The following TBC1D5 variants were observed in gnomAD, a reference collection of about 807,000 sequenced individuals.
TBC1D5 encodes the protein TBC1 domain family, member 5.
A neutral mutation model predicts 100.3 loss-of-function variants in TBC1D5; 75 were observed. That is an observed-to-expected ratio of 0.75 (90% confidence interval 0.62 to 0.91). The LOEUF (loss-of-function observed/expected upper bound fraction) is 0.91, where lower values mean the gene tolerates loss of function less well. Among genes scored for constraint, TBC1D5 ranks in the 40% least tolerant of loss-of-function variants. The pLI, the probability that TBC1D5 is intolerant of heterozygous loss-of-function variation, is 0.00. For synonymous variants in TBC1D5, 323 were observed against 325.6 expected, an observed-to-expected ratio of 0.99 and a Z score of 0.09; for missense variants, 910 against 942.4, an observed-to-expected ratio of 0.97 and a Z score of 0.45.
intron 1 of TBC1D5, among the ~76,000 whole-genome samples, chr3:17,674,857 CATTT>C (rs2068421335): frequency 6.6e-6 from 1 of 151,878 alleles, no homozygotes; most frequent in Non-Finnish European, 1.5e-5. Flanking sequence ...AAAATGAGTT[CATTT>C]GAGTGAAAAA....
chr3:17,398,711 T>C (rs1051864470), intron 8 of TBC1D5, among the ~76,000 whole-genome samples: 1 of 151,256 alleles, frequency 6.6e-6, no homozygotes, highest in African/African-American at 2.4e-5. Context: ...TACATACTGC[T>C]TCTCTTAATG....
At chr3:17,157,534 C>T (rs1299378648) in exon 22 of TBC1D5, 2 of 152,218 alleles carry the variant, frequency 1.3e-5, no homozygotes, top group Non-Finnish European at 2.9e-5. Context: ...GCTCCACAGC[C>T]TCCCCAGTGC....
At chr3:17,318,896 A>G (rs1469103161) in intron 13 of TBC1D5, among the ~76,000 whole-genome samples, 1 of 152,200 alleles carries the variant, frequency 6.6e-6, no homozygotes, top group Non-Finnish European at 1.5e-5. Flanking sequence ...CTGCTAGTTC[A>G]TGAGTACCCC....
chr3:17,281,660 T>C (rs924960892), intron 15 of TBC1D5, among the ~76,000 whole-genome samples: 4 of 152,236 alleles, frequency 2.6e-5, no homozygotes, highest in African/African-American at 9.6e-5. Context: ...ATAAAATGTT[T>C]TGCTTTTTTG....
At chr3:17,633,832 C>A (rs1466546862) in intron 1 of TBC1D5, among the ~76,000 whole-genome samples, 2 of 152,092 alleles carry the variant, frequency 1.3e-5, no homozygotes, top group East Asian at 1.9e-4. Context: ...TATGGCCCAA[C>A]CCTTCTAGGA....
intron 13 of TBC1D5, among the ~76,000 whole-genome samples, chr3:17,336,126 A>C (rs1457093601): frequency 3.3e-5 from 5 of 152,128 alleles, no homozygotes; most frequent in South Asian, 2.1e-4. Flanking sequence ...AAATTTTATT[A>C]ATTTTAGATT....
intron 1 of TBC1D5, among the ~76,000 whole-genome samples, chr3:17,663,875 T>C (rs569140874): frequency 1.8e-4 from 28 of 152,308 alleles, no homozygotes; most frequent in African/African-American, 5.3e-4. Context: ...AGAGATGATA[T>C]AGGCTTATAT....
At position 17,436,294 on chromosome 3, in the gene TBC1D5, AT is replaced by A. The variant is rs550940388; in HGVS notation, c.98-7776del. ...TGCAAAACGTGGTAAGAAAGATTAAATGAGATAAATGTATGTAAAGTGCTTA... is the reference window on the plus strand; with the variant it reads ...TGCAAAACGTGGTAAGAAAGATTAAAGAGATAAATGTATGTAAAGTGCTTA... On this transcript the variant is annotated intron_variant, in intron 3 of 21. Transcript: ENST00000253692. Among the ~76,000 whole-genome samples the A allele has an allele frequency of 9.9e-3, 1,501 of 152,314 alleles. 27 individuals carry two copies. Among genetic ancestry groups the A allele is most frequent in the African/African-American group, 0.034 (1,405 of 41,570 alleles).
intron 2 of TBC1D5, among the ~76,000 whole-genome samples, chr3:17,530,243 CAA>C (rs57879135): frequency 3.7e-4 from 22 of 59,912 alleles, no homozygotes; most frequent in Non-Finnish European, 4.6e-4. Flanking sequence ...GACTTCGTCT[CAA>C]AAAAAAAAAA....
At chr3:17,676,785 T>C (rs2068699861) in intron 1 of TBC1D5, among the ~76,000 whole-genome samples, 1 of 152,218 alleles carries the variant, frequency 6.6e-6, no homozygotes, top group Non-Finnish European at 1.5e-5. Flanking sequence ...AACAGCATGG[T>C]ACTGGTACCA....
At chr3:17,481,744 T>C (rs1283479149) in intron 3 of TBC1D5, among the ~76,000 whole-genome samples, 1 of 151,242 alleles carries the variant, frequency 6.6e-6, no homozygotes, top group East Asian at 2.0e-4. Flanking sequence ...AATGACTTTA[T>C]TTTTTTTTGA....
intron 3 of TBC1D5, among the ~76,000 whole-genome samples, chr3:17,448,529 T>TAA (rs1352048900): frequency 6.6e-6 from 1 of 152,224 alleles, no homozygotes; most frequent in Non-Finnish European, 1.5e-5. Context: ...TAGAAATGAC[T>TAA]ACTTGATCCA....
At chr3:17,391,312 G>A (rs1559786089) in intron 8 of TBC1D5, among the ~76,000 whole-genome samples, 2 of 152,114 alleles carry the variant, frequency 1.3e-5, no homozygotes, top group East Asian at 3.9e-4. Flanking sequence ...AGATCCACAT[G>A]GAGAGGAACC....
intron 1 of TBC1D5, among the ~76,000 whole-genome samples, chr3:17,670,803 A>C (rs2067853167): frequency 6.6e-6 from 1 of 152,224 alleles, no homozygotes; most frequent in Non-Finnish European, 1.5e-5. Context: ...CATTCAAAAC[A>C]ATGAGGAAAA....
At chr3:17,417,625 C>A (rs1045932004) in intron 4 of TBC1D5, among the ~76,000 whole-genome samples, 2 of 152,046 alleles carry the variant, frequency 1.3e-5, no homozygotes, top group Non-Finnish European at 2.9e-5. Context: ...AAGTCTTTGC[C>A]ATTGTGAATA....
chr3:17,531,964 C>A (rs1483659547), intron 2 of TBC1D5, among the ~76,000 whole-genome samples: 1 of 152,094 alleles, frequency 6.6e-6, no homozygotes, highest in African/African-American at 2.4e-5. Context: ...GCAATGGCAA[C>A]AAAAGCCAAA....
intron 1 of TBC1D5, among the ~76,000 whole-genome samples, chr3:17,725,930 A>AG (rs1159576842): frequency 6.6e-6 from 1 of 151,934 alleles, no homozygotes; most frequent in Non-Finnish European, 1.5e-5. Flanking sequence ...TGTGTACTCA[A>AG]TGTTTAGCTC....
intron 3 of TBC1D5, among the ~76,000 whole-genome samples, chr3:17,449,669 G>C (rs1004557278): frequency 1.3e-5 from 2 of 152,180 alleles, no homozygotes; most frequent in African/African-American, 2.4e-5. Context: ...CTGTAGCCAG[G>C]CTGCTTCTCT....
chr3:17,495,079 G>C (rs993328075), intron 3 of TBC1D5, among the ~76,000 whole-genome samples: 1 of 152,170 alleles, frequency 6.6e-6, no homozygotes, highest in African/African-American at 2.4e-5. Flanking sequence ...CTCACTCTCC[G>C]TGGGTCATGC....
Sources: gnomAD v4.1 joint callset for allele counts (sites outside exome capture counted in the v4.1 genomes callset) on GRCh38, gnomAD v4.1.1 for gene constraint, MANE v1.5 for transcripts, NCBI Gene and HGNC (gene_info 2026-07-23, HGNC 2026-07-21) for gene names.